DACH1: variants seen among roughly 807,000 people sequenced by gnomAD.
DACH1 encodes the protein dachshund family transcription factor 1.
In DACH1, 12 loss-of-function variants were observed where a neutral mutation model predicts 54.2. The observed-to-expected ratio is 0.22, with a 90% CI of 0.14 to 0.36. The LOEUF (loss-of-function observed/expected upper bound fraction) is 0.36. Ranked by LOEUF, DACH1 falls within the 10% of genes least tolerant of loss-of-function variation. The probability of loss-of-function intolerance (pLI) is 1.00; values close to 1 mark genes in which losing one functional copy is unlikely to be tolerated. For synonymous variants in DACH1, 386 were observed against 366.2 expected (o/e 1.05, Z -0.62); for missense variants, 805 against 929.8 (o/e 0.87, Z 1.75).
intron 10 of DACH1, among the ~76,000 whole-genome samples, chr13:71,469,964 T>G (rs187232992): frequency 6.6e-6 from 1 of 152,204 alleles, no homozygotes; most frequent in Non-Finnish European, 1.5e-5. Flanking sequence ...TCAAGTGAAG[T>G]CAAGATTTTG....
At chr13:71,637,623 CT>C (rs1255543901) in intron 2 of DACH1, among the ~76,000 whole-genome samples, 1 of 152,092 alleles carries the variant, frequency 6.6e-6, no homozygotes, top group Non-Finnish European at 1.5e-5. Flanking sequence ...ATGGATATAT[CT>C]TTTGGAAGAG....
chr13:71,444,860 C>T (rs1164552682), intron 10 of DACH1, among the ~76,000 whole-genome samples: 4 of 152,042 alleles, frequency 2.6e-5, no homozygotes, highest in South Asian at 2.1e-4. Context: ...TTCTACAGCA[C>T]GCCAAACTCT....
chr13:71,439,471 ACAT>A lies in DACH1; in HGVS notation c.*1181_*1183del, dbSNP rs912590429. On this transcript the variant is annotated 3_prime_UTR_variant, in exon 11 of 11. Coordinates refer to ENST00000613252, the MANE Select transcript of DACH1 (RefSeq NM_080759.6). ...CAGCGCTACATGGTATTGGACTGGTACATCAAGGTTTGTTAGGTTTTGTTTTCA... is the reference window on the plus strand; with the variant it reads ...CAGCGCTACATGGTATTGGACTGGTACAAGGTTTGTTAGGTTTTGTTTTCA... The A allele has an allele frequency of 6.6e-6, 1 of 152,494 alleles. No homozygotes were observed. Among genetic ancestry groups the A allele is most frequent in the African/African-American group, 2.4e-5 (1 of 41,446 alleles). 9.4% of individuals were successfully genotyped at this position (152,494 alleles called of 1,614,324 possible).
intron 1 of DACH1, among the ~76,000 whole-genome samples, chr13:71,813,543 T>G (rs1237868294): frequency 6.6e-6 from 1 of 152,150 alleles, no homozygotes; most frequent in Admixed American, 6.6e-5. Context: ...TGAGGGAGGA[T>G]GTATTCTCCT....
chr13:71,623,443 G>C (rs1159239349), intron 3 of DACH1, among the ~76,000 whole-genome samples: 4 of 151,452 alleles, frequency 2.6e-5, no homozygotes, highest in Admixed American at 2.0e-4. Flanking sequence ...CTAATGAAAA[G>C]GATACATAGT....
intron 1 of DACH1, among the ~76,000 whole-genome samples, chr13:71,848,711 G>A (rs1305439030): frequency 6.6e-6 from 1 of 151,802 alleles, no homozygotes; most frequent in Admixed American, 6.6e-5. Context: ...TGTACAGATG[G>A]GGGGGTTCTC....
chr13:71,778,099 T>C (rs661855), intron 1 of DACH1, among the ~76,000 whole-genome samples: 4,332 of 112,782 alleles, frequency 0.038, 121 homozygotes, highest in African/African-American at 0.1. Context: ...CTACAATAAA[T>C]AAATAAATAA....
intron 3 of DACH1, among the ~76,000 whole-genome samples, chr13:71,617,221 T>C (rs1031419496): frequency 1.3e-5 from 2 of 152,204 alleles, no homozygotes; most frequent in Admixed American, 1.3e-4. Context: ...GACATTTGCA[T>C]GCAGACCTAT....
At chr13:71,826,671 T>C (rs1888395248) in intron 1 of DACH1, among the ~76,000 whole-genome samples, 1 of 152,178 alleles carries the variant, frequency 6.6e-6, no homozygotes, top group African/African-American at 2.4e-5. Flanking sequence ...CTATTATATA[T>C]GTATATGCAT....
At chr13:71,606,014 T>C (rs1400193047) in intron 3 of DACH1, among the ~76,000 whole-genome samples, 2 of 152,088 alleles carry the variant, frequency 1.3e-5, no homozygotes, top group African/African-American at 2.4e-5. Context: ...GCTACACTGT[T>C]GTGATACAGT....
chr13:71,510,771 T>C (rs1331028), intron 6 of DACH1, among the ~76,000 whole-genome samples: 135,021 of 151,922 alleles, frequency 0.89, 61,751 homozygotes, highest in Non-Finnish European at 0.99. Flanking sequence ...TTATCTCATT[T>C]ATGCCTTCCT....
rs201822780 is a variant in DACH1 at position 71,817,790 on chromosome 13, TTTTCTTTC to T, written c.848+48124_848+48131del. On this transcript the variant is annotated intron_variant, in intron 1 of 10. Coordinates refer to ENST00000613252, the MANE Select transcript of DACH1 (RefSeq NM_080759.6). ...ACATTCTTAGTGTGGCTACTAAATA[TTTTCTTTC>T]TTTCTTTCTTTCTTCCTTTTTTTTT... is the stretch of plus-strand genomic sequence containing the variant. Among the ~76,000 whole-genome samples, 693 of 150,524 alleles carry T rather than the reference TTTTCTTTC, an allele frequency of 4.6e-3. 5 individuals are homozygous for T. The highest frequency in any genetic ancestry group is 0.014 in the African/African-American group (575 of 40,876).
At chr13:71,550,348 T>C (rs1327879411) in intron 6 of DACH1, among the ~76,000 whole-genome samples, 2 of 152,024 alleles carry the variant, frequency 1.3e-5, no homozygotes, top group African/African-American at 4.8e-5. Context: ...ACAAAGAAGG[T>C]GAGAAGACAT....
intron 3 of DACH1, among the ~76,000 whole-genome samples, chr13:71,601,566 T>C (rs1874498284): frequency 1.3e-5 from 2 of 152,104 alleles, no homozygotes; most frequent in South Asian, 4.1e-4. Context: ...TTCTGTGCTA[T>C]TGGAGGAACA....
At chr13:71,700,900 A>G (rs1055620814) in intron 1 of DACH1, among the ~76,000 whole-genome samples, 15 of 152,340 alleles carry the variant, frequency 9.8e-5, no homozygotes, top group African/African-American at 3.6e-4. Flanking sequence ...TTAGCCTTTA[A>G]TAAGTTAAAT....
At chr13:71,756,933 T>C (rs751925269) in intron 1 of DACH1, among the ~76,000 whole-genome samples, 8 of 152,154 alleles carry the variant, frequency 5.3e-5, no homozygotes, top group Non-Finnish European at 8.8e-5. Flanking sequence ...ATAGTGAATG[T>C]AAAGGATCAG....
chr13:71,740,805 T>C (rs1220397488), intron 1 of DACH1, among the ~76,000 whole-genome samples: 2 of 152,186 alleles, frequency 1.3e-5, no homozygotes, highest in East Asian at 3.8e-4. Context: ...GATGATATGA[T>C]GTATAATATG....
At chr13:71,483,105 C>G (rs1593764983) in intron 7 of DACH1, among the ~76,000 whole-genome samples, 1 of 151,876 alleles carries the variant, frequency 6.6e-6, no homozygotes, top group Admixed American at 6.6e-5. Flanking sequence ...CCCGGCCCAA[C>G]TGACACATTT....
At chr13:71,489,221 C>T (rs1593775949) in intron 6 of DACH1, 73 bp from the exon 7 acceptor site, 7 of 1,477,384 alleles carry the variant, frequency 4.7e-6, no homozygotes, top group Non-Finnish European at 6.4e-6. Flanking sequence ...GTAATGGCTT[C>T]CCTAGTGGTT....
Sources: allele counts gnomAD v4.1 joint callset (sites outside exome capture counted in the v4.1 genomes callset), GRCh38; gene constraint gnomAD v4.1.1; transcripts MANE v1.5; gene names NCBI Gene and HGNC (gene_info 2026-07-23, HGNC 2026-07-21).